The following PTBP2 variants were observed in gnomAD, a reference collection of about 807,000 sequenced individuals.
PTBP2 encodes the protein polypyrimidine tract-binding protein 2.
PTBP2 carries 13 observed loss-of-function variants against 61.4 expected under a neutral mutation model. The ratio of observed to expected loss-of-function variants is 0.21; its 90% CI spans 0.14 to 0.34. The LOEUF is 0.34. PTBP2 is among the 10% of genes least tolerant of loss of function. The probability of loss-of-function intolerance (pLI) is 1.00; values close to 1 mark genes in which losing one functional copy is unlikely to be tolerated. For synonymous variants in PTBP2, 215 were observed against 218.5 expected (o/e 0.98, Z 0.14); for missense variants, 405 against 642.6 (o/e 0.63, Z 4.00).
rs760956512 is a variant in PTBP2 at position 96,751,522 on chromosome 1, G to A, written c.115+22G>A. On this transcript the variant is annotated intron_variant, in intron 3 of 13. Coordinates refer to ENST00000674951, the MANE Select transcript of PTBP2 (RefSeq NM_021190.4). ...ACAGGTAAGTGTTACTCTCTTAGCA[G>A]TCTGTCATTTGCCATTTTAGGGGGC... 1.3e-5 allele frequency: 21 copies of A among 1,580,318 alleles called. No homozygotes were observed. In the South Asian group the frequency reaches 2.4e-4, roughly 18 times the overall value.
At chr1:96,742,604 T>G (rs992920099) in intron 2 of PTBP2, among the ~76,000 whole-genome samples, 1 of 151,686 alleles carries the variant, frequency 6.6e-6, no homozygotes, top group African/African-American at 2.4e-5. Flanking sequence ...GATCCTGAAC[T>G]CCTTTATTTT....
At chr1:96,723,661 G>A in intron 2 of PTBP2, 67 bp downstream of exon 2, 1 of 1,413,914 alleles carries the variant, frequency 7.1e-7, no homozygotes, top group Non-Finnish European at 9.7e-7. Flanking sequence ...GAAAATTTTA[G>A]CTTTTGCTTT....
intron 8 of PTBP2, among the ~76,000 whole-genome samples, chr1:96,802,107 A>G (rs1279846053): frequency 6.9e-6 from 1 of 144,908 alleles, no homozygotes; most frequent in East Asian, 2.2e-4. Flanking sequence ...GCTACTTGGG[A>G]GGCTGAGGCA....
chr1:96,796,616 GTGTGTGTTT>G (rs1343404585), intron 8 of PTBP2, among the ~76,000 whole-genome samples: 3 of 152,174 alleles, frequency 2.0e-5, no homozygotes, highest in Admixed American at 2.0e-4. Context: ...TTTGTGGGGT[GTGTGTGTTT>G]TCACTCTAGT....
chr1:96,769,254 A>G (rs889759307), intron 3 of PTBP2, among the ~76,000 whole-genome samples: 5 of 152,052 alleles, frequency 3.3e-5, no homozygotes, highest in Non-Finnish European at 5.9e-5. Context: ...CAGTTGCAAC[A>G]CAGTAATAAG....
chr1:96,813,510 T>G lies in PTBP2; in HGVS notation c.*105T>G. The G allele has an allele frequency of 8.5e-7, 1 of 1,170,166 alleles. No individual in the cohort carries two copies. The highest frequency in any genetic ancestry group is 2.3e-5 in the South Asian group (1 of 43,332). The allele number at this position is 1,170,166 out of a possible 1,614,324, so 72.5% of individuals were successfully genotyped here. On this transcript the variant is annotated 3_prime_UTR_variant, in exon 14 of 14. Transcript: ENST00000674951. Reference sequence around the variant, plus strand: ...AGAGTTTGATTTTTTTTGTTTTTGTTTTTTTGGGGTTTCTTTTTTTTTTCC... The same window carrying G: ...AGAGTTTGATTTTTTTTGTTTTTGTGTTTTTGGGGTTTCTTTTTTTTTTCC...
intron 2 of PTBP2, among the ~76,000 whole-genome samples, chr1:96,746,820 T>C (rs1456564418): frequency 1.3e-5 from 1 of 78,938 alleles, no homozygotes; most frequent in Non-Finnish European, 2.8e-5. Context: ...TGCTGTCTTG[T>C]CTGTCTGTCT....
At chr1:96,785,628 A>G (rs1179884461) in intron 8 of PTBP2, among the ~76,000 whole-genome samples, 1 of 152,168 alleles carries the variant, frequency 6.6e-6, no homozygotes, top group Non-Finnish European at 1.5e-5. Context: ...TGTGTTTTTC[A>G]GTGCTGATCT....
downstream of PTBP2, chr1:96,819,323 CA>C (rs1337664136): frequency 2.0e-5 from 3 of 151,940 alleles, no homozygotes; most frequent in Non-Finnish European, 2.9e-5. Flanking sequence ...ATTACCTGTG[CA>C]AAGTATGCCT....
chr1:96,768,819 A>G lies in PTBP2; in HGVS notation c.116-884A>G, dbSNP rs1007112113. Among the ~76,000 whole-genome samples, 19 of 152,110 alleles carry G rather than the reference A, an allele frequency of 1.2e-4. No homozygotes were observed. In the South Asian group the frequency reaches 1.9e-3, roughly 15 times the overall value. ...AAAATATTAGGTAGTTTAGACGGCA[A>G]TAGTAATATATCAGGAGAGGCTCAT... On this transcript the variant is annotated intron_variant, in intron 3 of 13. Coordinates refer to ENST00000674951, the MANE Select transcript of PTBP2 (RefSeq NM_021190.4).
rs1657198194 is a variant in PTBP2 at position 96,769,932 on chromosome 1, A to G, written c.288+57A>G. Reference sequence around the variant, plus strand: ...AACCCCAAACTATCCAGCAGGTGTGAATTAATTGTAAAAGGGAGAAAATAG... The same window carrying G: ...AACCCCAAACTATCCAGCAGGTGTGGATTAATTGTAAAAGGGAGAAAATAG... On this transcript the variant is annotated intron_variant, in intron 4 of 13. Transcript: ENST00000674951. 4 of 1,320,042 alleles carry G rather than the reference A, an allele frequency of 3.0e-6. No individual in the cohort carries two copies. In the Admixed American group the frequency reaches 1.1e-4, roughly 35 times the overall value. The allele number at this position is 1,320,042 out of a possible 1,614,324, so 81.8% of individuals were successfully genotyped here. A position where few individuals can be genotyped will look rare whatever the true frequency, so the allele number is the denominator to read the frequency against.
chr1:96,762,966 A>G (rs1656173986), intron 3 of PTBP2, among the ~76,000 whole-genome samples: 1 of 141,536 alleles, frequency 7.1e-6, no homozygotes, highest in South Asian at 2.3e-4. Context: ...GGCGCTCCCC[A>G]CATCTCAGAC....
intron 2 of PTBP2, among the ~76,000 whole-genome samples, chr1:96,747,077 C>G (rs1206364137): frequency 2.0e-5 from 3 of 151,670 alleles, no homozygotes; most frequent in African/African-American, 7.3e-5. Flanking sequence ...ATTTACAATC[C>G]TTTCTCCCTC....
At chr1:96,728,635 C>G (rs1405885318) in intron 2 of PTBP2, among the ~76,000 whole-genome samples, 1 of 152,122 alleles carries the variant, frequency 6.6e-6, no homozygotes, top group Non-Finnish European at 1.5e-5. Flanking sequence ...CCCTCCAACT[C>G]TGTTCTTTTT....
At chr1:96,769,441 CTTA>C (rs1338148453) in intron 3 of PTBP2, among the ~76,000 whole-genome samples, 1 of 151,848 alleles carries the variant, frequency 6.6e-6, no homozygotes, top group Non-Finnish European at 1.5e-5. Flanking sequence ...AATGTTGTTG[CTTA>C]TTAATAATTA....
intron 2 of PTBP2, among the ~76,000 whole-genome samples, chr1:96,744,777 T>C (rs1161342883): frequency 6.6e-6 from 1 of 152,212 alleles, no homozygotes; most frequent in Non-Finnish European, 1.5e-5. Flanking sequence ...TGATTATGGT[T>C]TGATCATTCT....
chr1:96,736,768 C>T (rs964348648), intron 2 of PTBP2, among the ~76,000 whole-genome samples: 18 of 152,110 alleles, frequency 1.2e-4, no homozygotes, highest in Non-Finnish European at 2.5e-4. Flanking sequence ...CCTCAACCTC[C>T]TGGGCTCCAG....
chr1:96,773,723 T>C (rs1657662749), intron 5 of PTBP2, among the ~76,000 whole-genome samples: 1 of 151,968 alleles, frequency 6.6e-6, no homozygotes, highest in South Asian at 2.1e-4. Flanking sequence ...ACACTTGTAA[T>C]CCCAGCACTT....
intron 5 of PTBP2, among the ~76,000 whole-genome samples, chr1:96,772,152 T>A (rs1327301734): frequency 6.6e-6 from 1 of 152,194 alleles, no homozygotes; most frequent in African/African-American, 2.4e-5. Context: ...GAACTTCTGA[T>A]TGACCAGCTT....
Sources: allele counts gnomAD v4.1 joint callset (sites outside exome capture counted in the v4.1 genomes callset), GRCh38; gene constraint gnomAD v4.1.1; transcripts MANE v1.5; gene names NCBI Gene and HGNC (gene_info 2026-07-23, HGNC 2026-07-21).